The following TRPM3 variants were observed in gnomAD, a reference collection of about 807,000 sequenced individuals.
TRPM3 encodes the protein transient receptor potential cation channel subfamily M member 3.
A neutral mutation model predicts 181.2 loss-of-function variants in TRPM3; 77 were observed. That is an observed-to-expected ratio of 0.42 (90% confidence interval 0.35 to 0.51). The LOEUF is 0.51. TRPM3 is among the 20% of genes least tolerant of loss of function. TRPM3 has a pLI of 0.01. For missense variants in TRPM3, 1,759 were observed against 2,196.7 expected (o/e 0.80, Z 3.98); for synonymous variants, 745 against 796.4 (o/e 0.94, Z 1.09).
chr9:71,246,808 G>A (rs2082059774), intron 1 of TRPM3, among the ~76,000 whole-genome samples: 1 of 152,132 alleles, frequency 6.6e-6, no homozygotes, highest in South Asian at 2.1e-4. Flanking sequence ...TGCTTTCACT[G>A]TACTTGGTAG....
intron 1 of TRPM3, among the ~76,000 whole-genome samples, chr9:71,200,031 C>T (rs1474820861): frequency 6.6e-6 from 1 of 152,098 alleles, no homozygotes; most frequent in East Asian, 1.9e-4. Context: ...TTTCCCTCTA[C>T]ACACTGCTTT....
intron 1 of TRPM3, among the ~76,000 whole-genome samples, chr9:71,291,348 C>T (rs904919917): frequency 1.3e-5 from 2 of 152,084 alleles, no homozygotes; most frequent in African/African-American, 4.8e-5. Flanking sequence ...TGATGTTAAC[C>T]TTTCTCCTTT....
intron 1 of TRPM3, among the ~76,000 whole-genome samples, chr9:71,349,142 G>T (rs920535640): frequency 6.6e-6 from 1 of 152,140 alleles, no homozygotes; most frequent in African/African-American, 2.4e-5. Flanking sequence ...TGGTAATTCA[G>T]ATTAGAAAAT....
intron 1 of TRPM3, among the ~76,000 whole-genome samples, chr9:70,965,876 C>A (rs1449499231): frequency 6.6e-6 from 1 of 151,642 alleles, no homozygotes; most frequent in East Asian, 1.9e-4. Flanking sequence ...GCAACAAAAG[C>A]AAAAATTGAC....
chr9:71,131,526 T>C (rs1317782934), intron 1 of TRPM3, among the ~76,000 whole-genome samples: 1 of 152,222 alleles, frequency 6.6e-6, no homozygotes, highest in African/African-American at 2.4e-5. Context: ...CAAAATTTGT[T>C]GACTATAGAA....
intron 9 of TRPM3, among the ~76,000 whole-genome samples, chr9:70,679,193 AT>A (rs1284295346): frequency 6.6e-6 from 1 of 152,168 alleles, no homozygotes; most frequent in Non-Finnish European, 1.5e-5. Flanking sequence ...AAAATACCCA[AT>A]TTCATTGCAT....
At chr9:71,090,650 G>T (rs563030703) in intron 1 of TRPM3, among the ~76,000 whole-genome samples, 14 of 152,052 alleles carry the variant, frequency 9.2e-5, no homozygotes, top group Non-Finnish European at 2.1e-4. Context: ...GGAGGAGTCC[G>T]GCAGCACAGA....
At chr9:71,366,080 T>A (rs1044588377) in intron 1 of TRPM3, among the ~76,000 whole-genome samples, 2 of 152,132 alleles carry the variant, frequency 1.3e-5, no homozygotes, top group Non-Finnish European at 2.9e-5. Flanking sequence ...AGATTGGTCA[T>A]CATAGGAAAT....
intron 1 of TRPM3, among the ~76,000 whole-genome samples, chr9:70,944,430 C>T (rs1367850073): frequency 1.3e-5 from 2 of 152,138 alleles, no homozygotes; most frequent in African/African-American, 4.8e-5. Context: ...TTTCCACAGC[C>T]CCACTTTTCT....
rs372050382 is a variant in TRPM3 at position 70,974,929 on chromosome 9, G to A, written c.178-110418C>T. On this transcript the variant is annotated intron_variant, in intron 1 of 25. Transcript: ENST00000677713. ...CACGCCCAGGCTGGAGTGCAGTGGC[G>A]TGATCTTGGCTCACTGCAACCTCCA... 5.6e-4 allele frequency among the ~76,000 whole-genome samples: 81 copies of A among 145,726 alleles called. No homozygotes were observed. The Middle Eastern group carries it at 0.011, about 20-fold the overall frequency.
intron 22 of TRPM3, among the ~76,000 whole-genome samples, chr9:70,575,358 T>G (rs1290506275): frequency 6.6e-6 from 1 of 152,148 alleles, no homozygotes; most frequent in African/African-American, 2.4e-5. Context: ...GTACCCTACT[T>G]CATTTTTTCC....
rs148670456 is a variant in TRPM3 at position 71,056,409 on chromosome 9, CATAAAT to C, written c.177+64763_177+64768del. Among the ~76,000 whole-genome samples the C allele has an allele frequency of 6.0e-3, 911 of 152,062 alleles. 9 individuals are homozygous for C. The highest frequency in any genetic ancestry group is 0.02 in the African/African-American group (843 of 41,488). Reference sequence around the variant, plus strand: ...GAGATATGGATAATGAGACACTCTTCATAAATATAAAGATTAGGCTTCTTATGTCCT... The same window carrying C: ...GAGATATGGATAATGAGACACTCTTCATAAAGATTAGGCTTCTTATGTCCT... On this transcript the variant is annotated intron_variant, in intron 1 of 25. Transcript: ENST00000677713.
intron 8 of TRPM3, among the ~76,000 whole-genome samples, chr9:70,693,284 A>C (rs1488055049): frequency 6.6e-6 from 1 of 152,152 alleles, no homozygotes; most frequent in Non-Finnish European, 1.5e-5. Context: ...TATTTCCAGA[A>C]GCTTCTTTAT....
intron 9 of TRPM3, among the ~76,000 whole-genome samples, chr9:70,655,097 G>A (rs1490565565): frequency 1.3e-5 from 2 of 150,520 alleles, no homozygotes; most frequent in Non-Finnish European, 3.0e-5. Flanking sequence ...CACAAGGTCA[G>A]GAGTTCGAGA....
intron 1 of TRPM3, among the ~76,000 whole-genome samples, chr9:71,252,847 CTTT>C (rs11417438): frequency 1.5e-4 from 13 of 84,754 alleles, no homozygotes; most frequent in African/African-American, 2.6e-4. Context: ...AATTTTGTCT[CTTT>C]TTTTTTTTTT....
intron 7 of TRPM3, among the ~76,000 whole-genome samples, chr9:70,777,328 A>G (rs905411097): frequency 2.6e-5 from 4 of 152,148 alleles, no homozygotes; most frequent in Non-Finnish European, 5.9e-5. Context: ...CATGTAGGGC[A>G]CTGATGAGCC....
intron 6 of TRPM3, chr9:70,809,935 TC>T: frequency 1.9e-6 from 1 of 533,982 alleles, no homozygotes; most frequent in South Asian, 1.4e-5. Flanking sequence ...GTCATGGTTA[TC>T]CCAATGCATT....
chr9:70,889,350 G>C (rs941485408), intron 1 of TRPM3, among the ~76,000 whole-genome samples: 13 of 152,212 alleles, frequency 8.5e-5, no homozygotes, highest in African/African-American at 3.1e-4. Flanking sequence ...ACGGCTGAAA[G>C]TATGAGGCAC....
chr9:71,406,048 G>A (rs1469896665), intron 1 of TRPM3, among the ~76,000 whole-genome samples: 1 of 152,148 alleles, frequency 6.6e-6, no homozygotes, highest in Non-Finnish European at 1.5e-5. Flanking sequence ...GGCCAAGGCA[G>A]GCAGATCACG....
Sources: allele counts gnomAD v4.1 joint callset (sites outside exome capture counted in the v4.1 genomes callset), GRCh38; gene constraint gnomAD v4.1.1; transcripts MANE v1.5; gene names NCBI Gene and HGNC (gene_info 2026-07-23, HGNC 2026-07-21).